The following APBA2 variants were observed in gnomAD, a reference collection of about 807,000 sequenced individuals.
The protein encoded by APBA2 is amyloid beta precursor protein binding family A member 2.
Under a neutral mutation model 75.0 loss-of-function variants are expected in APBA2, and 30 were observed. That is an observed-to-expected ratio of 0.40 (90% CI 0.30 to 0.54). The LOEUF (loss-of-function observed/expected upper bound fraction) is 0.54, where lower values mean the gene tolerates loss of function less well. APBA2 is among the 20% of genes least tolerant of loss of function. APBA2 has a pLI of 0.49. For missense variants in APBA2, 801 were observed against 1,016.1 expected, an observed-to-expected ratio of 0.79 and a Z score of 2.88; for synonymous variants, 444 against 409.6, an observed-to-expected ratio of 1.08 and a Z score of -1.01.
intron 3 of APBA2, among the ~76,000 whole-genome samples, chr15:28,997,077 C>A (rs1372040661): frequency 6.6e-6 from 1 of 152,220 alleles, no homozygotes; most frequent in Non-Finnish European, 1.5e-5. Flanking sequence ...TTCTGCCCTG[C>A]ATCTTTCCCA....
At chr15:28,945,001 T>G (rs982980185) in intron 2 of APBA2, among the ~76,000 whole-genome samples, 1 of 152,198 alleles carries the variant, frequency 6.6e-6, no homozygotes, top group African/African-American at 2.4e-5. Flanking sequence ...AGCTTCCTCC[T>G]TCATTTGAAC....
At position 29,114,125 on chromosome 15, in the gene APBA2, C is replaced by T. The variant is rs946953623; in HGVS notation, c.2178+109C>T. 1.7e-5 allele frequency: 26 copies of T among 1,490,322 alleles called. No homozygotes were observed. In the South Asian group the frequency reaches 2.3e-4, roughly 13 times the overall value. The allele number at this position is 1,490,322 out of a possible 1,614,324, so 92.3% of individuals were successfully genotyped here. A position where few individuals can be genotyped will look rare whatever the true frequency, so the allele number is the denominator to read the frequency against. ...GGACACAGGGCATCTGAAGGTCAGCCAGGCTGTGTCTCCCATCGGGGCTGC... is the reference window on the plus strand; with the variant it reads ...GGACACAGGGCATCTGAAGGTCAGCTAGGCTGTGTCTCCCATCGGGGCTGC... On this transcript the variant is annotated intron_variant, in intron 14 of 14. Transcript: ENST00000683413.
At chr15:29,092,999 C>T in intron 6 of APBA2, 76 bp from the exon 7 acceptor site, 4 of 1,581,356 alleles carry the variant, frequency 2.5e-6, no homozygotes, top group South Asian at 1.1e-5. Flanking sequence ...GTTCCTTGTG[C>T]TATGGCCAGG....
chr15:29,075,456 C>T (rs542654194), intron 5 of APBA2, among the ~76,000 whole-genome samples: 2 of 152,260 alleles, frequency 1.3e-5, no homozygotes, highest in East Asian at 3.9e-4. Flanking sequence ...CCCACTAGAT[C>T]CTTGTACCTA....
At chr15:28,997,015 G>A (rs956355135) in intron 3 of APBA2, among the ~76,000 whole-genome samples, 5 of 152,146 alleles carry the variant, frequency 3.3e-5, no homozygotes, top group Non-Finnish European at 1.5e-5. Context: ...GCTATTTGAA[G>A]CCACCCAAAA....
chr15:28,931,977 C>A (rs1480223161), intron 2 of APBA2, among the ~76,000 whole-genome samples: 1 of 152,206 alleles, frequency 6.6e-6, no homozygotes, highest in Non-Finnish European at 1.5e-5. Context: ...CAGCACACAG[C>A]CCTCCCAACT....
intron 2 of APBA2, among the ~76,000 whole-genome samples, chr15:28,931,081 G>A (rs2034539280): frequency 6.6e-6 from 1 of 152,220 alleles, no homozygotes; most frequent in South Asian, 2.1e-4. Flanking sequence ...GGGAATCATG[G>A]TGAAGCCACC....
chr15:29,030,782 T>C (rs2040452694), intron 3 of APBA2, among the ~76,000 whole-genome samples: 1 of 152,044 alleles, frequency 6.6e-6, no homozygotes, highest in African/African-American at 2.4e-5. Flanking sequence ...CCGCCTTCTC[T>C]ATTTGTTAGG....
chr15:28,906,648 A>G (rs1490984940), intron 1 of APBA2, among the ~76,000 whole-genome samples: 1 of 152,202 alleles, frequency 6.6e-6, no homozygotes, highest in Admixed American at 6.5e-5. Flanking sequence ...CTCTCTGGAC[A>G]TCGACACTCT....
intron 1 of APBA2, among the ~76,000 whole-genome samples, chr15:28,901,945 TTGGGG>T (rs2032889602): frequency 1.4e-5 from 2 of 140,842 alleles, no homozygotes; most frequent in East Asian, 2.1e-4. Context: ...TGTGTGTATG[TTGGGG>T]GTCTGGGGTG....
chr15:28,969,744 A>AT (rs1178692191), intron 2 of APBA2, among the ~76,000 whole-genome samples: 1 of 152,130 alleles, frequency 6.6e-6, no homozygotes, highest in Non-Finnish European at 1.5e-5. Context: ...GAGACTGAGG[A>AT]TTGAAGGGGC....
chr15:28,930,950 C>T (rs1000534175), intron 2 of APBA2, among the ~76,000 whole-genome samples: 1 of 152,234 alleles, frequency 6.6e-6, no homozygotes, highest in African/African-American at 2.4e-5. Flanking sequence ...CTCCTCTTCC[C>T]CTGTGAGGCA....
At chr15:29,056,608 C>CACT (rs2041904814) in intron 4 of APBA2, among the ~76,000 whole-genome samples, 1 of 3,716 alleles carries the variant, frequency 2.7e-4, no homozygotes, top group Admixed American at 3.9e-3. Flanking sequence ...CTCCCTCCCT[C>CACT]CCTCCTTCTC....
At position 29,117,180 on chromosome 15, in the gene APBA2, C is replaced by T. The variant is rs111728060; in HGVS notation, c.*47C>T. On this transcript the variant is annotated 3_prime_UTR_variant, in exon 15 of 15. Coordinates refer to ENST00000683413, the MANE Select transcript of APBA2 (RefSeq NM_001353788.2). ...AGCCAGGACACCGGGCAGGGCCGCCCGGGCCCAGAGGAGCTGGGAGCCGGG... is the reference window on the plus strand; with the variant it reads ...AGCCAGGACACCGGGCAGGGCCGCCTGGGCCCAGAGGAGCTGGGAGCCGGG... The T allele has an allele frequency of 4.0e-5, 63 of 1,589,000 alleles. No homozygotes were observed. Among genetic ancestry groups the T allele is most frequent in the African/African-American group, 2.6e-4 (19 of 74,358 alleles).
At chr15:28,967,920 A>G (rs1295062675) in intron 2 of APBA2, among the ~76,000 whole-genome samples, 1 of 151,872 alleles carries the variant, frequency 6.6e-6, no homozygotes, top group East Asian at 1.9e-4. Context: ...CCAAAATTTA[A>G]CCTCTGCACT....
chr15:28,974,800 A>T (rs2037248634), intron 2 of APBA2, among the ~76,000 whole-genome samples: 1 of 152,208 alleles, frequency 6.6e-6, no homozygotes, highest in Non-Finnish European at 1.5e-5. Context: ...AACCTCAGAA[A>T]TGAAACCAAA....
At chr15:29,058,647 C>T (rs2152897550) in intron 4 of APBA2, among the ~76,000 whole-genome samples, 1 of 152,248 alleles carries the variant, frequency 6.6e-6, no homozygotes, top group Non-Finnish European at 1.5e-5. Context: ...CCCACCTGTG[C>T]CACTCTGCTG....
chr15:29,076,404 G>T lies in APBA2; in HGVS notation c.1069+313G>T, dbSNP rs184459349. Among the ~76,000 whole-genome samples, 568 of 151,422 alleles carry T rather than the reference G, an allele frequency of 3.8e-3. 3 individuals are homozygous for T. Among genetic ancestry groups the T allele is most frequent in the Non-Finnish European group, 4.9e-3 (335 of 67,966 alleles). On this transcript the variant is annotated intron_variant, in intron 6 of 14. Coordinates refer to ENST00000683413, the MANE Select transcript of APBA2 (RefSeq NM_001353788.2). ...GTGTCTTTATAAGCAGCTGGTTATA[G>T]CTAACACTTCTGATCAGGGTGGATA...
rs115947360 is a variant in APBA2, at chr15:29,052,895, C to T, written c.-40-950C>T. On this transcript the variant is annotated intron_variant, in intron 3 of 14. Transcript: ENST00000683413. Reference sequence around the variant, plus strand: ...CTCACTTTTATAACAAACCCACTCTCACAATAAAGAACTTCCTCCCAAGAT... The same window carrying T: ...CTCACTTTTATAACAAACCCACTCTTACAATAAAGAACTTCCTCCCAAGAT... Among the ~76,000 whole-genome samples the T allele has an allele frequency of 6.2e-3, 939 of 152,260 alleles. 7 individuals carry two copies. The highest frequency in any genetic ancestry group is 0.022 in the African/African-American group (905 of 41,536).
Sources: allele counts gnomAD v4.1 joint callset (sites outside exome capture counted in the v4.1 genomes callset), GRCh38; gene constraint gnomAD v4.1.1; transcripts MANE v1.5; gene names NCBI Gene and HGNC (gene_info 2026-07-23, HGNC 2026-07-21).